Variants in ASB3 observed in about 807,000 individuals in gnomAD.
ASB3 encodes ankyrin repeat and SOCS box protein 3.
Under a neutral mutation model 54.5 loss-of-function variants are expected in ASB3, and 41 were observed. The ratio of observed to expected loss-of-function variants is 0.75; its 90% confidence interval spans 0.59 to 0.98. The LOEUF (loss-of-function observed/expected upper bound fraction) is 0.98. Among genes scored for constraint, ASB3 ranks in the 50% least tolerant of loss-of-function variants. ASB3 has a pLI of 0.00. For missense variants in ASB3, 733 were observed against 620.0 expected (o/e 1.18, Z -1.94); for synonymous variants, 266 against 221.2 (o/e 1.20, Z -1.80).
chr2:53,700,546 A>G lies in ASB3; in HGVS notation c.981-18T>C. On this transcript the variant is annotated intron_variant, in intron 7 of 9. Transcript: ENST00000263634. ...ACTCACAGCTCCACCATAAAAAATA[A>G]AAACAAAAAAAGAAGAAGTTAGACT... The G allele has an allele frequency of 6.3e-7, 1 of 1,577,134 alleles. No individual in the cohort carries two copies. The highest frequency in any genetic ancestry group is 8.6e-7 in the Non-Finnish European group (1 of 1,168,416).
chr2:53,735,179 C>T (rs1161742785), intron 3 of ASB3, among the ~76,000 whole-genome samples: 2 of 152,028 alleles, frequency 1.3e-5, no homozygotes, highest in Non-Finnish European at 2.9e-5. Flanking sequence ...CTCGGCCTCC[C>T]AAAGTGCTGG....
At chr2:53,735,542 T>C (rs1671578032) in intron 3 of ASB3, among the ~76,000 whole-genome samples, 1 of 151,098 alleles carries the variant, frequency 6.6e-6, no homozygotes, top group South Asian at 2.1e-4. Flanking sequence ...ATTCACTATT[T>C]TAAAAATATC....
chr2:53,705,456 C>A (rs1669718330), intron 7 of ASB3, among the ~76,000 whole-genome samples: 1 of 152,222 alleles, frequency 6.6e-6, no homozygotes, highest in South Asian at 2.1e-4. Context: ...GTACACCATA[C>A]TGCTTCACCT....
At chr2:53,739,721 G>A (rs543498745) in intron 3 of ASB3, among the ~76,000 whole-genome samples, 160 of 152,128 alleles carry the variant, frequency 1.1e-3, no homozygotes, top group African/African-American at 3.6e-3. Context: ...TGTTACCCAC[G>A]ATGGAGGACA....
At position 53,767,945 on chromosome 2, in the gene ASB3, A is replaced by G; in HGVS notation, c.-13-2360T>C. On this transcript the variant is annotated intron_variant, in intron 1 of 9. Coordinates refer to ENST00000263634, the MANE Select transcript of ASB3 (RefSeq NM_016115.5). ...AAGGTGGATTTCCCCTATCAGGACA[A>G]GCTGGTCGGATACATCACCAACTAC... The G allele has an allele frequency of 6.2e-7, 1 of 1,614,142 alleles. No homozygotes were observed. The highest frequency in any genetic ancestry group is 8.5e-7 in the Non-Finnish European group (1 of 1,180,004).
At chr2:53,682,304 C>T (rs956799060) in intron 9 of ASB3, among the ~76,000 whole-genome samples, 10 of 152,062 alleles carry the variant, frequency 6.6e-5, no homozygotes, top group African/African-American at 2.4e-4. Context: ...AATCAATGAA[C>T]ACAGAATGTA....
At chr2:53,682,796 T>C (rs1270866052) in intron 9 of ASB3, among the ~76,000 whole-genome samples, 7 of 152,156 alleles carry the variant, frequency 4.6e-5, no homozygotes, top group Non-Finnish European at 1.5e-5. Flanking sequence ...CTGGCATAAA[T>C]AAATGCGCCA....
Position 53,756,574 on chromosome 2 carries a change from C to T in ASB3, c.197-5633G>A, listed in dbSNP as rs186054784. On this transcript the variant is annotated intron_variant, in intron 2 of 9. Coordinates refer to ENST00000263634, the MANE Select transcript of ASB3 (RefSeq NM_016115.5). ...GAATCAGCAGACTGAATAAACAAGA[C>T]TTGCCCTCACCAATGTGGGCAGGCA... is the stretch of plus-strand genomic sequence containing the variant. 2.6e-5 allele frequency among the ~76,000 whole-genome samples: 4 copies of T among 152,286 alleles called. No individual in the cohort carries two copies. In the East Asian group the frequency reaches 7.7e-4, roughly 29 times the overall value.
At chr2:53,703,080 G>A (rs1669580669) in intron 7 of ASB3, among the ~76,000 whole-genome samples, 1 of 152,216 alleles carries the variant, frequency 6.6e-6, no homozygotes, top group Admixed American at 6.5e-5. Context: ...AAAACCAGGT[G>A]AGCTAAGCCA....
intron 2 of ASB3, among the ~76,000 whole-genome samples, chr2:53,758,220 C>A (rs1329703717): frequency 6.6e-6 from 1 of 152,204 alleles, no homozygotes; most frequent in Admixed American, 6.5e-5. Flanking sequence ...AGACCACTGA[C>A]AACACATAGC....
intron 1 of ASB3, among the ~76,000 whole-genome samples, chr2:53,776,965 A>T (rs899418667): frequency 6.6e-6 from 1 of 152,218 alleles, no homozygotes; most frequent in African/African-American, 2.4e-5. Flanking sequence ...TGTCAAATTT[A>T]TATGATGAAA....
At chr2:53,716,787 T>TA (rs766862100) in intron 5 of ASB3, 44 bp from the exon 6 acceptor site, 24 of 1,523,086 alleles carry the variant, frequency 1.6e-5, no homozygotes, top group African/African-American at 4.2e-5. Flanking sequence ...CCCTAATACT[T>TA]AAAAAAATCA....
At position 53,767,983 on chromosome 2, in the gene ASB3, T is replaced by C. The variant is rs201804249; in HGVS notation, c.-13-2398A>G. 3.8e-4 allele frequency: 607 copies of C among 1,613,788 alleles called. No homozygotes were observed. The highest frequency in any genetic ancestry group is 4.6e-4 in the Non-Finnish European group (547 of 1,179,862). On this transcript the variant is annotated intron_variant, in intron 1 of 9. Coordinates refer to ENST00000263634, the MANE Select transcript of ASB3 (RefSeq NM_016115.5). ...CATCACCAACTACAGCAGGCGCTTC[T>C]GGCAGGGCAGCACGGACCACCGCGG...
chr2:53,727,277 T>C (rs1325865491), intron 5 of ASB3, among the ~76,000 whole-genome samples: 1 of 152,200 alleles, frequency 6.6e-6, no homozygotes, highest in African/African-American at 2.4e-5. Flanking sequence ...TGTTTGTTTC[T>C]TTTACTTCCT....
chr2:53,749,049 G>A (rs1165737750), intron 3 of ASB3, among the ~76,000 whole-genome samples: 1 of 151,862 alleles, frequency 6.6e-6, no homozygotes, highest in Non-Finnish European at 1.5e-5. Context: ...GACAAACCTG[G>A]CAAAAGAAGA....
rs1669418040 is a variant in ASB3 at position 53,700,342 on chromosome 2, T to C, written c.1167A>G (p.Ala389=). Residue 389 remains alanine, a synonymous_variant, in exon 8 of 10, where the codon GCA becomes GCG. Coordinates refer to ENST00000263634, the MANE Select transcript of ASB3 (RefSeq NM_016115.5). The stretch of plus-strand genomic sequence containing the variant: ...GATGTGGCAACCACTCCTTATATTT[T>C]GCTTGTGCTTTAATTGCATGATTTA... The part of the protein sequence containing the change: ...EFVNHAIKAQ[A]KYKEWLPHLL... 2 of 1,614,140 alleles carry C rather than the reference T, an allele frequency of 1.2e-6. No individual in the cohort carries two copies. The highest frequency in any genetic ancestry group is 2.2e-5 in the South Asian group (2 of 91,086).
At chr2:53,697,048 T>C (rs1330619507) in intron 8 of ASB3, among the ~76,000 whole-genome samples, 1 of 152,156 alleles carries the variant, frequency 6.6e-6, no homozygotes, top group African/African-American at 2.4e-5. Flanking sequence ...CACAAAGAAC[T>C]TGCTGATGAA....
intron 3 of ASB3, among the ~76,000 whole-genome samples, chr2:53,731,161 G>A (rs1463066340): frequency 6.6e-6 from 1 of 152,118 alleles, no homozygotes; most frequent in Non-Finnish European, 1.5e-5. Flanking sequence ...CAGCACTTTG[G>A]GAGGCTAAGG....
rs372488524 is a variant in ASB3 at position 53,716,754 on chromosome 2, A to G, written c.605-11T>C. ...AATTGACATTTGCACCTAAGGGTAC[A>G]AAATAAAACATTTAACAGATAACCC... is the stretch of plus-strand genomic sequence containing the variant. On this transcript the variant is annotated splice_polypyrimidine_tract_variant and intron_variant, in intron 5 of 9. Coordinates refer to ENST00000263634, the MANE Select transcript of ASB3 (RefSeq NM_016115.5). 3.1e-6 allele frequency: 5 copies of G among 1,604,386 alleles called. No individual in the cohort carries two copies. In the African/African-American group the frequency reaches 5.4e-5, roughly 17 times the overall value.
Sources: allele counts gnomAD v4.1 joint callset (sites outside exome capture counted in the v4.1 genomes callset), GRCh38; gene constraint gnomAD v4.1.1; transcripts MANE v1.5; gene names NCBI Gene and HGNC (gene_info 2026-07-23, HGNC 2026-07-21).